Variants in OSBPL6 observed in about 807,000 individuals in gnomAD.
The protein encoded by OSBPL6 is oxysterol-binding protein-related protein 6.
OSBPL6 carries 49 observed loss-of-function variants against 125.8 expected under a neutral mutation model. That is an observed-to-expected ratio of 0.39 (90% CI 0.31 to 0.49). The LOEUF (loss-of-function observed/expected upper bound fraction) is 0.49. OSBPL6 is among the 20% of genes least tolerant of loss of function. The pLI, the probability that OSBPL6 is intolerant of heterozygous loss-of-function variation, is 0.88. For synonymous variants in OSBPL6, 394 were observed against 391.8 expected (o/e 1.01, Z -0.07); for missense variants, 986 against 1,135.4 (o/e 0.87, Z 1.89).
At chr2:178,385,396 A>T in intron 18 of OSBPL6, 62 bp from the exon 19 acceptor site, 1 of 1,182,862 alleles carries the variant, frequency 8.5e-7, no homozygotes, top group Non-Finnish European at 1.2e-6. Context: ...CAGTAAGAGA[A>T]ATGGATGACC....
chr2:178,334,649 C>T (rs1245381465), intron 8 of OSBPL6, among the ~76,000 whole-genome samples: 1 of 152,164 alleles, frequency 6.6e-6, no homozygotes, highest in Non-Finnish European at 1.5e-5. Context: ...CTGCCTCAGC[C>T]TTCAGAGTAA....
chr2:178,274,644 G>C (rs564601204), intron 1 of OSBPL6, among the ~76,000 whole-genome samples: 1 of 152,012 alleles, frequency 6.6e-6, no homozygotes, highest in Non-Finnish European at 1.5e-5. Flanking sequence ...ACCAGTAAGG[G>C]TGTCCCTAGA....
At chr2:178,359,824 A>G (rs2154097515) in intron 12 of OSBPL6, among the ~76,000 whole-genome samples, 1 of 152,336 alleles carries the variant, frequency 6.6e-6, no homozygotes. Context: ...GCAGTGGCTC[A>G]CACTTGTAAT....
chr2:178,203,991 C>T (rs2089395104), intron 1 of OSBPL6, among the ~76,000 whole-genome samples: 2 of 151,240 alleles, frequency 1.3e-5, no homozygotes, highest in Non-Finnish European at 2.9e-5. Context: ...TACCTATGAG[C>T]ATGACTTAAC....
chr2:178,394,580 C>A, intron 24 of OSBPL6, 145 bp downstream of exon 24: 1 of 1,108,492 alleles, frequency 9.0e-7, no homozygotes, highest in Non-Finnish European at 1.3e-6. Flanking sequence ...ATCGATTTTG[C>A]ACTTATGAAA....
At chr2:178,315,774 C>G (rs1448945096) in intron 3 of OSBPL6, among the ~76,000 whole-genome samples, 1 of 152,136 alleles carries the variant, frequency 6.6e-6, no homozygotes, top group Non-Finnish European at 1.5e-5. Flanking sequence ...TAATGAAGCC[C>G]AGAGGGTCTC....
At chr2:178,250,037 G>A (rs914698674) in intron 1 of OSBPL6, among the ~76,000 whole-genome samples, 1 of 152,140 alleles carries the variant, frequency 6.6e-6, no homozygotes. Flanking sequence ...ATTACTGCAT[G>A]CCAGCAACCG....
intron 8 of OSBPL6, among the ~76,000 whole-genome samples, chr2:178,335,024 G>A (rs575400056): frequency 1.3e-5 from 2 of 152,198 alleles, no homozygotes; most frequent in South Asian, 4.2e-4. Flanking sequence ...GGCCTCCTGT[G>A]TTCTCACCAG....
intron 3 of OSBPL6, among the ~76,000 whole-genome samples, chr2:178,308,911 G>A (rs988215717): frequency 2.2e-4 from 33 of 152,090 alleles, no homozygotes; most frequent in African/African-American, 7.7e-4. Flanking sequence ...CCTGAGTAGG[G>A]CAGATTCATG....
In OSBPL6 at chr2:178,385,633, A is replaced by G. The variant is rs145691141; in HGVS notation, c.2077+112A>G. 283 of 791,548 alleles carry G rather than the reference A, an allele frequency of 3.6e-4. 3 individuals carry two copies. In the East Asian group the frequency reaches 7.4e-3, roughly 21 times the overall value. The allele number at this position is 791,548 out of a possible 1,614,324, so 49.0% of individuals were successfully genotyped here. A position where few individuals can be genotyped will look rare whatever the true frequency, so the allele number is the denominator to read the frequency against. Reference sequence around the variant, plus strand: ...GATTTCTACCTTTGGAACTCAGCAAATGTTAGTAATTGGTGCAGAGCTCAT... The same window carrying G: ...GATTTCTACCTTTGGAACTCAGCAAGTGTTAGTAATTGGTGCAGAGCTCAT... On this transcript the variant is annotated intron_variant, in intron 19 of 24. Transcript: ENST00000190611.
At chr2:178,302,232 A>C (rs888333420) in intron 2 of OSBPL6, among the ~76,000 whole-genome samples, 1 of 152,206 alleles carries the variant, frequency 6.6e-6, no homozygotes, top group Non-Finnish European at 1.5e-5. Flanking sequence ...AGGAAGAATG[A>C]GACAGAAAAA....
intron 1 of OSBPL6, among the ~76,000 whole-genome samples, chr2:178,206,520 T>C (rs2089538078): frequency 6.6e-6 from 1 of 152,256 alleles, no homozygotes; most frequent in African/African-American, 2.4e-5. Context: ...ATTTGATTTA[T>C]GTTGAATCAC....
At chr2:178,315,474 A>G (rs1280051487) in intron 3 of OSBPL6, among the ~76,000 whole-genome samples, 3 of 152,190 alleles carry the variant, frequency 2.0e-5, no homozygotes, top group African/African-American at 4.8e-5. Flanking sequence ...ATCATTATCT[A>G]TTATATAATG....
intron 1 of OSBPL6, among the ~76,000 whole-genome samples, chr2:178,224,631 T>C (rs2090475220): frequency 1.3e-5 from 2 of 152,194 alleles, no homozygotes; most frequent in Admixed American, 1.3e-4. Context: ...GATTAGAAAC[T>C]AGTGTAGTTA....
rs1230577728 is a variant in OSBPL6 at position 178,391,340 on chromosome 2, G to T, written c.2446+123G>T. 19 of 990,530 alleles carry T rather than the reference G, an allele frequency of 1.9e-5. No individual in the cohort carries two copies. The Admixed American group carries it at 6.0e-4, about 31-fold the overall frequency. The allele number at this position is 990,530 out of a possible 1,614,324, so 61.4% of individuals were successfully genotyped here. ...CTTTAAGAGTGAGATTAAAAGCGTAGATGCTTATGGCAATTATAGTTACAT... is the reference window on the plus strand; with the variant it reads ...CTTTAAGAGTGAGATTAAAAGCGTATATGCTTATGGCAATTATAGTTACAT... On this transcript the variant is annotated intron_variant, in intron 22 of 24. Transcript: ENST00000190611.
chr2:178,214,294 A>G (rs1006186950), intron 1 of OSBPL6, among the ~76,000 whole-genome samples: 9 of 152,248 alleles, frequency 5.9e-5, no homozygotes, highest in African/African-American at 1.7e-4. Flanking sequence ...TAAAGGCCTT[A>G]TATAGATTTT....
chr2:178,272,067 G>T (rs1336656627), intron 1 of OSBPL6, among the ~76,000 whole-genome samples: 1 of 152,212 alleles, frequency 6.6e-6, no homozygotes, highest in African/African-American at 2.4e-5. Context: ...AATAGCCAGA[G>T]AAATCTCATC....
At chr2:178,202,301 TTTC>T (rs1422376439) in intron 1 of OSBPL6, among the ~76,000 whole-genome samples, 1 of 152,214 alleles carries the variant, frequency 6.6e-6, no homozygotes, top group Non-Finnish European at 1.5e-5. Flanking sequence ...TTCTTTAACA[TTTC>T]TTGTTTCCAA....
intron 2 of OSBPL6, among the ~76,000 whole-genome samples, chr2:178,293,088 A>G (rs780484159): frequency 6.6e-6 from 1 of 152,052 alleles, no homozygotes; most frequent in Non-Finnish European, 1.5e-5. Flanking sequence ...ACTGGTGAAA[A>G]CTGGAGGAAG....
Sources: gnomAD v4.1 joint callset for allele counts (sites outside exome capture counted in the v4.1 genomes callset) on GRCh38, gnomAD v4.1.1 for gene constraint, MANE v1.5 for transcripts, NCBI Gene and HGNC (gene_info 2026-07-23, HGNC 2026-07-21) for gene names.